UBE3B: variants seen among roughly 807,000 people sequenced by gnomAD.
UBE3B encodes ubiquitin-protein ligase E3B.
A neutral mutation model predicts 132.3 loss-of-function variants in UBE3B; 80 were observed. That is an observed-to-expected ratio of 0.60 (90% CI 0.50 to 0.73). The LOEUF (loss-of-function observed/expected upper bound fraction) is 0.73. UBE3B is among the 30% of genes least tolerant of loss of function. The pLI, the probability that UBE3B is intolerant of heterozygous loss-of-function variation, is 0.00. For missense variants in UBE3B, 1,196 were observed against 1,362.5 expected, an observed-to-expected ratio of 0.88 and a Z score of 1.92; for synonymous variants, 487 against 520.4, an observed-to-expected ratio of 0.94 and a Z score of 0.87.
Position 109,498,042 on chromosome 12 carries a change from G to A in UBE3B, c.819+119G>A, listed in dbSNP as rs186078672. On this transcript the variant is annotated intron_variant, in intron 10 of 27. Transcript: ENST00000342494. Reference sequence around the variant, plus strand: ...CCACACCTCCCTTTAATTGTTCTTTGGGACCAGTGGCCGTGATAGACACAT... The same window carrying A: ...CCACACCTCCCTTTAATTGTTCTTTAGGACCAGTGGCCGTGATAGACACAT... 18 of 1,322,670 alleles carry A rather than the reference G, an allele frequency of 1.4e-5. No individual in the cohort carries two copies. The Admixed American group carries it at 3.3e-4, about 24-fold the overall frequency. 81.9% of individuals were successfully genotyped at this position (1,322,670 alleles called of 1,614,324 possible).
intron 8 of UBE3B, 166 bp from the exon 9 acceptor site, chr12:109,490,879 C>A: frequency 1.9e-6 from 2 of 1,068,536 alleles, no homozygotes; most frequent in Non-Finnish European, 2.6e-6. Context: ...CTCAAGGAAT[C>A]TTCCTGCCTC....
At chr12:109,486,415 A>C (rs1386869178) in intron 5 of UBE3B, 56 bp from the exon 6 acceptor site, 3 of 1,398,004 alleles carry the variant, frequency 2.1e-6, no homozygotes, top group Non-Finnish European at 2.0e-6. Context: ...CAGTTAGAGC[A>C]CAAGTGATAT....
At chr12:109,484,670 G>A (rs1345451799) in intron 4 of UBE3B, among the ~76,000 whole-genome samples, 3 of 151,970 alleles carry the variant, frequency 2.0e-5, no homozygotes, top group East Asian at 1.9e-4. Flanking sequence ...GATTACAGGC[G>A]TGAGCCACTG....
chr12:109,501,350 G>T, intron 12 of UBE3B, 21 bp from the exon 13 acceptor site: 1 of 1,613,198 alleles, frequency 6.2e-7, no homozygotes, highest in South Asian at 1.1e-5. Flanking sequence ...GACAGACCAG[G>T]TCTCCTCTGC....
At chr12:109,504,059 G>C (rs1879342047) in intron 14 of UBE3B, among the ~76,000 whole-genome samples, 1 of 152,204 alleles carries the variant, frequency 6.6e-6, no homozygotes, top group African/African-American at 2.4e-5. Context: ...AAATAAGCAA[G>C]TAAAAAGTAG....
chr12:109,499,412 A>G (rs1375634067), intron 11 of UBE3B, among the ~76,000 whole-genome samples: 1 of 152,230 alleles, frequency 6.6e-6, no homozygotes, highest in African/African-American at 2.4e-5. Context: ...GTTGACGGCC[A>G]CGGCTCACCT....
At chr12:109,547,391 C>T in the UBE3B span, among the ~76,000 whole-genome samples, 2 of 152,248 alleles carry the variant, frequency 1.3e-5, no homozygotes, top group African/African-American at 4.8e-5. This position sits in a 1 kb window ranked among gnomAD's most constrained non-coding sequence, Gnocchi z 4.1. Flanking sequence ...GCCGGCCATG[C>T]AGGCATCATC....
chr12:109,525,283 A>G (rs762240756), intron 23 of UBE3B, among the ~76,000 whole-genome samples: 19 of 152,332 alleles, frequency 1.2e-4, no homozygotes, highest in Non-Finnish European at 2.5e-4. Flanking sequence ...GAAGCCTGTA[A>G]GGAGGAAACC....
intron 1 of UBE3B, among the ~76,000 whole-genome samples, chr12:109,479,927 A>G (rs973269936): frequency 9.2e-5 from 14 of 152,070 alleles, no homozygotes; most frequent in Admixed American, 9.2e-4. Flanking sequence ...TCTGCCATTG[A>G]GGCACTGTCT....
chr12:109,479,636 A>T (rs1303416963), intron 1 of UBE3B, among the ~76,000 whole-genome samples: 1 of 152,240 alleles, frequency 6.6e-6, no homozygotes, highest in Non-Finnish European at 1.5e-5. Context: ...TAATTGACGA[A>T]CTATAGTATA....
chr12:109,533,857 G>A (rs1883207659), intron 27 of UBE3B: 1 of 1,236,444 alleles, frequency 8.1e-7, no homozygotes. Context: ...CCTCACCAGG[G>A]CTCCAGATCT....
intron 19 of UBE3B, among the ~76,000 whole-genome samples, chr12:109,518,182 AGCTCTAC>A (rs1331660567): frequency 6.6e-6 from 1 of 152,156 alleles, no homozygotes; most frequent in Admixed American, 6.5e-5. Flanking sequence ...TGGTCTGTGT[AGCTCTAC>A]TTGAGAAAAA....
At chr12:109,491,796 C>T in intron 9 of UBE3B, 1 of 152,200 alleles carries the variant, frequency 6.6e-6, no homozygotes, top group South Asian at 2.1e-4. Context: ...TGCTCTGCCC[C>T]CATCTGTGGA....
Position 109,503,027 on chromosome 12 carries a change from C to T in UBE3B, c.1287C>T (p.Leu429=), listed in dbSNP as rs757142758. The change falls in exon 14 of 28, where the codon CTC becomes CTT. Residue 429 remains leucine (L), a synonymous_variant. Coordinates refer to ENST00000342494, the MANE Select transcript of UBE3B (RefSeq NM_130466.4). ...GTCTTCTTTTCTCCATGCCAGGTCT[C>T]CTAAAGCGTGCTTTTCAAAAGTCGG... ...SPQNVLPVKS[L]LKRAFQKSAS... is the part of the protein sequence containing the mutation. 1.2e-6 allele frequency: 2 copies of T among 1,614,150 alleles called. No individual in the cohort carries two copies. Among genetic ancestry groups the T allele is most frequent in the Middle Eastern group, 1.6e-4 (1 of 6,062 alleles).
At chr12:109,528,413 A>G (rs899947989) in intron 24 of UBE3B, 1 of 985,106 alleles carries the variant, frequency 1.0e-6, no homozygotes, top group African/African-American at 1.7e-5. Context: ...GTATTAATAT[A>G]CAGGTTTGCT....
intron 14 of UBE3B, among the ~76,000 whole-genome samples, chr12:109,503,543 T>C (rs1426822563): frequency 6.6e-6 from 1 of 152,100 alleles, no homozygotes; most frequent in East Asian, 1.9e-4. Flanking sequence ...AACAGTCAAC[T>C]GTGCCTGAGT....
intron 15 of UBE3B, among the ~76,000 whole-genome samples, chr12:109,508,212 T>C (rs1008732372): frequency 2.0e-5 from 3 of 152,200 alleles, no homozygotes; most frequent in Admixed American, 6.5e-5. Flanking sequence ...TGGTAGGGAT[T>C]AAAAGACATA....
At chr12:109,530,763 C>A in intron 26 of UBE3B, 105 bp downstream of exon 26, 1 of 1,110,122 alleles carries the variant, frequency 9.0e-7, no homozygotes, top group African/African-American at 1.6e-5. Context: ...TCAGGAGGAC[C>A]TCAGATAGTC....
In UBE3B at chr12:109,511,254, G is replaced by A. The variant is rs376213401; in HGVS notation, c.1907G>A (p.Arg636Gln). 25 of 1,614,008 alleles carry A rather than the reference G, an allele frequency of 1.5e-5. No individual in the cohort carries two copies. The highest frequency in any genetic ancestry group is 1.2e-4 in the African/African-American group (9 of 74,916). The change falls in exon 18 of 28, where the codon CGG (arginine) becomes CAG (glutamine). Residue 636 changes from arginine (R) to glutamine (Q), a missense_variant. By Grantham distance (43) the Arg-to-Gln change is conservative. Transcript: ENST00000342494. ...CAAGAACTCGACAGGGACAGAAAAC[G>A]GGCACAGTTGATCCTGCAGTACATC... ...LFQELDRDRKRAQLILQYIPH... is the reference protein window; with the variant it reads ...LFQELDRDRKQAQLILQYIPH...
Sources: allele counts gnomAD v4.1 joint callset (sites outside exome capture counted in the v4.1 genomes callset), GRCh38; gene constraint gnomAD v4.1.1; non-coding constraint Gnocchi (gnomAD v3.1); transcripts MANE v1.5; gene names NCBI Gene and HGNC (gene_info 2026-07-23, HGNC 2026-07-21).